The following FEZ1 variants were observed in gnomAD, a reference collection of about 807,000 sequenced individuals.
FEZ1 encodes the protein fasciculation and elongation protein zeta 1.
FEZ1 carries 20 observed loss-of-function variants against 49.3 expected under a neutral mutation model. The observed-to-expected ratio is 0.41, with a 90% CI of 0.29 to 0.59. FEZ1 has a LOEUF of 0.59. FEZ1 is among the 20% of genes least tolerant of loss of function. The probability of loss-of-function intolerance (pLI) is 0.36; values close to 1 mark genes in which losing one functional copy is unlikely to be tolerated. For missense variants in FEZ1, 413 were observed against 476.0 expected (o/e 0.87, Z 1.23); for synonymous variants, 170 against 180.9 (o/e 0.94, Z 0.48).
Position 125,495,855 on chromosome 11 carries a change from G to A in FEZ1, c.-46+266C>T. 1 of 317,768 alleles carries A rather than the reference G, an allele frequency of 3.1e-6. No homozygotes were observed. The highest frequency in any genetic ancestry group is 6.2e-6 in the Non-Finnish European group (1 of 161,328). 19.7% of individuals were successfully genotyped at this position (317,768 alleles called of 1,614,324 possible). A position where few individuals can be genotyped will look rare whatever the true frequency, so the allele number is the denominator to read the frequency against. ...ACACACCAGGCCTGGCTGGAGGGCC[G>A]ATGCTGAGATGATACTGGAAGTGCC... On this transcript the variant is annotated intron_variant, in intron 1 of 9. Coordinates refer to ENST00000278919, the MANE Select transcript of FEZ1 (RefSeq NM_005103.5). The surrounding 1 kb of genome is among the most constrained non-coding windows in gnomAD (Gnocchi z 4.2).
At chr11:125,452,668 TG>T in intron 7 of FEZ1, 1 of 428,618 alleles carries the variant, frequency 2.3e-6, no homozygotes, top group Non-Finnish European at 4.1e-6. Flanking sequence ...TTAGGAATCC[TG>T]GGGAGCTTTT....
At chr11:125,474,498 A>G (rs1364277679) in intron 3 of FEZ1, among the ~76,000 whole-genome samples, 1 of 152,226 alleles carries the variant, frequency 6.6e-6, no homozygotes, top group Admixed American at 6.5e-5. Flanking sequence ...TTTGCTCTTC[A>G]AAAGATAATG....
In FEZ1 at chr11:125,459,476, C is replaced by T. The variant is rs373561835; in HGVS notation, c.667+1022G>A. On this transcript the variant is annotated intron_variant, in intron 5 of 9. Coordinates refer to ENST00000278919, the MANE Select transcript of FEZ1 (RefSeq NM_005103.5). ...GCATGGTGATGCATGCCTGTAATCC[C>T]GGCTACTCAGGGGGCTGAGGCAGGA... Among the ~76,000 whole-genome samples, 63 of 152,102 alleles carry T rather than the reference C, an allele frequency of 4.1e-4. No individual in the cohort carries two copies. In the South Asian group the frequency reaches 7.3e-3, roughly 18 times the overall value.
chr11:125,476,896 A>G (rs1957238096), intron 3 of FEZ1, among the ~76,000 whole-genome samples: 1 of 152,174 alleles, frequency 6.6e-6, no homozygotes, highest in African/African-American at 2.4e-5. Flanking sequence ...AACTATATCT[A>G]GAAAGATTTT....
intron 2 of FEZ1, among the ~76,000 whole-genome samples, chr11:125,484,088 G>T (rs977925369): frequency 7.9e-5 from 12 of 152,108 alleles, no homozygotes; most frequent in African/African-American, 2.9e-4. Flanking sequence ...CAAGCTTTAA[G>T]ATAAAGCAGC....
Position 125,489,475 on chromosome 11 carries a change from C to T in FEZ1, c.303G>A (p.Gln101=). ...CAATTAAGACTTCTTACTCCTCGTCCTGAAGGGTCTCCTCCTCCTCTTGGA... is the reference window on the plus strand; with the variant it reads ...CAATTAAGACTTCTTACTCCTCGTCTTGAAGGGTCTCCTCCTCCTCTTGGA... ...LQIQEEEETL[Q]DEEVWDALTD... is the part of the protein sequence containing the mutation. Residue 101 remains glutamine, a synonymous_variant, in exon 2 of 10, where the codon CAG becomes CAA. Transcript: ENST00000278919. The surrounding 1 kb of genome is among the most constrained non-coding windows in gnomAD (Gnocchi z 4.2). 6.2e-7 allele frequency: 1 copy of T among 1,612,338 alleles called. No individual in the cohort carries two copies. Among genetic ancestry groups the T allele is most frequent in the Non-Finnish European group, 8.5e-7 (1 of 1,179,288 alleles).
In FEZ1 at chr11:125,460,557, A is replaced by C; in HGVS notation, c.608T>G (p.Val203Gly). Residue 203 changes from valine to glycine, a missense_variant, in exon 5 of 10, where the codon GTC (valine) becomes GGC (glycine). Val to Gly is a moderately radical substitution (Grantham distance 109). Coordinates refer to ENST00000278919, the MANE Select transcript of FEZ1 (RefSeq NM_005103.5). ...CAATGCCTGCATCTCCTGCAGGAGG[A>C]CCGAGTCTGCCTGGGAGGAAGTTTC... ...GGETSSQADSVLLQEMQALTQ... is the reference protein window; with the variant it reads ...GGETSSQADSGLLQEMQALTQ... 6.2e-7 allele frequency: 1 copy of C among 1,614,136 alleles called. No individual in the cohort carries two copies. Among genetic ancestry groups the C allele is most frequent in the Non-Finnish European group, 8.5e-7 (1 of 1,180,008 alleles).
chr11:125,462,300 T>C (rs898061204), intron 4 of FEZ1, among the ~76,000 whole-genome samples: 6 of 152,244 alleles, frequency 3.9e-5, no homozygotes, highest in Non-Finnish European at 7.3e-5. Context: ...AACTGAACAT[T>C]ATCCTCTCTA....
intron 4 of FEZ1, 82 bp from the exon 5 acceptor site, chr11:125,460,748 G>C: frequency 8.4e-7 from 1 of 1,185,286 alleles, no homozygotes; most frequent in Admixed American, 2.3e-5. Context: ...AGTTAAGGAT[G>C]TTCCTAATTA....
At chr11:125,493,322 G>A (rs1264780848) in intron 1 of FEZ1, among the ~76,000 whole-genome samples, 1 of 142,546 alleles carries the variant, frequency 7.0e-6, no homozygotes, top group African/African-American at 2.7e-5. Flanking sequence ...CAACAAGAGC[G>A]AAACTCCATC....
At chr11:125,474,479 T>TA (rs1400037891) in intron 3 of FEZ1, among the ~76,000 whole-genome samples, 2 of 152,124 alleles carry the variant, frequency 1.3e-5, no homozygotes, top group Admixed American at 6.5e-5. Context: ...TCATCACATT[T>TA]AAAAAACATT....
At chr11:125,478,165 A>G (rs948581140) in intron 3 of FEZ1, among the ~76,000 whole-genome samples, 3 of 152,216 alleles carry the variant, frequency 2.0e-5, no homozygotes, top group Non-Finnish European at 4.4e-5. Context: ...CCACTTGGCC[A>G]GGTGTGGCGG....
At chr11:125,478,540 C>T (rs749902401) in intron 3 of FEZ1, among the ~76,000 whole-genome samples, 11 of 152,152 alleles carry the variant, frequency 7.2e-5, no homozygotes, top group Non-Finnish European at 1.0e-4. Flanking sequence ...GCATGCCAAG[C>T]GCTTTTGGTC....
intron 2 of FEZ1, chr11:125,488,721 C>G: frequency 3.0e-6 from 3 of 985,164 alleles, no homozygotes; most frequent in Non-Finnish European, 3.6e-6. Context: ...ACACATCCCC[C>G]GAGGATAGCG....
chr11:125,471,038 A>G (rs1382980589), intron 3 of FEZ1, among the ~76,000 whole-genome samples: 1 of 152,202 alleles, frequency 6.6e-6, no homozygotes, highest in Non-Finnish European at 1.5e-5. Context: ...GACTATGATT[A>G]ATTAATAATG....
At chr11:125,448,676 C>T in intron 8 of FEZ1, 109 bp from the exon 9 acceptor site, 1 of 752,080 alleles carries the variant, frequency 1.3e-6, no homozygotes, top group Non-Finnish European at 2.3e-6. Context: ...TTCAAAAGAA[C>T]CAGACATTTA....
intron 4 of FEZ1, among the ~76,000 whole-genome samples, chr11:125,461,709 A>G (rs1014898392): frequency 6.6e-6 from 1 of 152,202 alleles, no homozygotes; most frequent in African/African-American, 2.4e-5. Flanking sequence ...TTTTGTCCCA[A>G]CCTTCACCTT....
chr11:125,464,937 A>G (rs1376690923), intron 3 of FEZ1, among the ~76,000 whole-genome samples: 1 of 152,202 alleles, frequency 6.6e-6, no homozygotes, highest in African/African-American at 2.4e-5. Flanking sequence ...TATGCAGAAC[A>G]AAACTCCTGG....
chr11:125,483,442 A>G (rs1315670060), intron 2 of FEZ1, among the ~76,000 whole-genome samples: 1 of 152,174 alleles, frequency 6.6e-6, no homozygotes, highest in Admixed American at 6.5e-5. Flanking sequence ...ACTCAGCAGG[A>G]TTTCAGAGCA....
Sources: allele counts gnomAD v4.1 joint callset (sites outside exome capture counted in the v4.1 genomes callset), GRCh38; gene constraint gnomAD v4.1.1; non-coding constraint Gnocchi (gnomAD v3.1); transcripts MANE v1.5; gene names NCBI Gene and HGNC (gene_info 2026-07-23, HGNC 2026-07-21).